The following SEC23B variants were observed in gnomAD, a reference collection of about 807,000 sequenced individuals.
SEC23B encodes protein transport protein Sec23B.
Under a neutral mutation model 104.3 loss-of-function variants are expected in SEC23B, and 77 were observed. The observed-to-expected ratio is 0.74, with a 90% CI of 0.61 to 0.89. SEC23B has a LOEUF of 0.89. Among genes scored for constraint, SEC23B ranks in the 40% least tolerant of loss-of-function variants. The probability of loss-of-function intolerance (pLI) is 0.00; values close to 1 mark genes in which losing one functional copy is unlikely to be tolerated. For missense variants in SEC23B, 885 were observed against 949.4 expected, an observed-to-expected ratio of 0.93 and a Z score of 0.89; for synonymous variants, 338 against 332.5, an observed-to-expected ratio of 1.02 and a Z score of -0.18.
chr20:18,524,724 T>G (rs1452004514), intron 5 of SEC23B, 55 bp downstream of exon 5: 1 of 1,420,084 alleles, frequency 7.0e-7, no homozygotes, highest in Non-Finnish European at 9.9e-7. Context: ...TAAAAGAGAC[T>G]GGGGTCTCTT....
At chr20:18,529,196 G>A (rs1452900044) in intron 9 of SEC23B, among the ~76,000 whole-genome samples, 1 of 152,192 alleles carries the variant, frequency 6.6e-6, no homozygotes, top group African/African-American at 2.4e-5. Flanking sequence ...AGCAGTTGAG[G>A]GACTTCCCTG....
chr20:18,543,013 T>C lies in SEC23B; in HGVS notation c.1512-6T>C, dbSNP rs1568617783. On this transcript the variant is annotated splice_polypyrimidine_tract_variant and splice_region_variant and intron_variant, in intron 13 of 19. Coordinates refer to ENST00000650089, the MANE Select transcript of SEC23B (RefSeq NM_006363.6). ...ATAAGCATGGCACTAACTCTGGAAT[T>C]GTCAGTTGGGCAGATGTACAGAGTC... 6.2e-7 allele frequency: 1 copy of C among 1,614,140 alleles called. No homozygotes were observed. The highest frequency in any genetic ancestry group is 8.5e-7 in the Non-Finnish European group (1 of 1,180,008).
intron 3 of SEC23B, 57 bp downstream of exon 3, chr20:18,512,339 AAAATT>A (rs2059988903): frequency 2.6e-6 from 3 of 1,148,446 alleles, no homozygotes; most frequent in South Asian, 1.3e-5. Context: ...TATTATGAAA[AAAATT>A]AAGTTAGGTT....
Position 18,560,954 on chromosome 20 carries a change from G to A in SEC23B, c.*214G>A, listed in dbSNP as rs2060487019. ...TAAGGTCATAAATGTTTTGGTACTT[G>A]TAGATGTTTATGTGCTTTTTGTATC... On this transcript the variant is annotated 3_prime_UTR_variant, in exon 20 of 20. Transcript: ENST00000650089. 1 of 549,174 alleles carries A rather than the reference G, an allele frequency of 1.8e-6. No individual in the cohort carries two copies. The highest frequency in any genetic ancestry group is 3.3e-6 in the Non-Finnish European group (1 of 307,570). The allele number at this position is 549,174 out of a possible 1,614,324, so 34.0% of individuals were successfully genotyped here. A position where few individuals can be genotyped will look rare whatever the true frequency, so the allele number is the denominator to read the frequency against.
intron 19 of SEC23B, among the ~76,000 whole-genome samples, chr20:18,557,910 CCTGA>C (rs1237311601): frequency 2.0e-5 from 3 of 151,874 alleles, no homozygotes; most frequent in African/African-American, 4.8e-5. Context: ...CACCACCACG[CCTGA>C]CTAATTTTGT....
At chr20:18,508,551 G>A (rs2059951910) in intron 1 of SEC23B, among the ~76,000 whole-genome samples, 1 of 151,996 alleles carries the variant, frequency 6.6e-6, no homozygotes, top group Admixed American at 6.6e-5. Context: ...TCCCTCATGC[G>A]CATAACTTCA....
At position 18,524,976 on chromosome 20, in the gene SEC23B, A is replaced by AGCACGACCT; in HGVS notation, c.650_658dup (p.Arg217_Ala219dup). The AGCACGACCT allele has an allele frequency of 6.2e-7, 1 of 1,614,160 alleles. No individual in the cohort carries two copies. The highest frequency in any genetic ancestry group is 1.1e-5 in the South Asian group (1 of 91,086). On this transcript the variant is annotated inframe_insertion, in exon 6 of 20. Transcript: ENST00000650089. ...CCAAGCCAGCCATGCCCATGCAGCAAGCACGACCTGCACAACCACAGGAGC... is the reference window on the plus strand; with the variant it reads ...CCAAGCCAGCCATGCCCATGCAGCAAGCACGACCTGCACGACCTGCACAACCACAGGAGC...
At chr20:18,539,715 G>A (rs1395102273) in intron 12 of SEC23B, among the ~76,000 whole-genome samples, 2 of 145,548 alleles carry the variant, frequency 1.4e-5, no homozygotes, top group Admixed American at 7.0e-5. Flanking sequence ...CACCATCTCA[G>A]CTCACTGCAA....
At position 18,554,257 on chromosome 20, in the gene SEC23B, C is replaced by T. The variant is rs2060414880; in HGVS notation, c.2015C>T (p.Ala672Val). The T allele has an allele frequency of 6.2e-7, 1 of 1,614,056 alleles. No homozygotes were observed. The highest frequency in any genetic ancestry group is 1.7e-5 in the Admixed American group (1 of 60,012). Residue 672 changes from alanine (A) to valine (V), a missense_variant, in exon 18 of 20, where the codon GCT becomes GTT. Ala to Val is a moderately conservative substitution (Grantham distance 64). Coordinates refer to ENST00000650089, the MANE Select transcript of SEC23B (RefSeq NM_006363.6). ...TAGACCATAGCCCAGTGGCGTAAAG[C>T]TGGCTACCAGGACATGCCCGAGTAT... ...LGETIAQWRK[A>V]GYQDMPEYEN...
In SEC23B at chr20:18,554,245, A is replaced by C; in HGVS notation, c.2003A>C (p.Gln668Pro). The C allele has an allele frequency of 6.2e-7, 1 of 1,614,198 alleles. No individual in the cohort carries two copies. Among genetic ancestry groups the C allele is most frequent in the Non-Finnish European group, 8.5e-7 (1 of 1,180,032 alleles). Reference sequence around the variant, plus strand: ...TTTGTTTCTGTGTAGACCATAGCCCAGTGGCGTAAAGCTGGCTACCAGGAC... The same window carrying C: ...TTTGTTTCTGTGTAGACCATAGCCCCGTGGCGTAAAGCTGGCTACCAGGAC... ...IVIYLGETIA[Q>P]WRKAGYQDMP... is the part of the protein sequence containing the mutation. Residue 668 changes from glutamine to proline, a missense_variant, in exon 18 of 20, where the codon CAG becomes CCG. Transcript: ENST00000650089.
intron 8 of SEC23B, 92 bp from the exon 9 acceptor site, chr20:18,527,404 T>C: frequency 1.2e-6 from 1 of 811,862 alleles, no homozygotes; most frequent in South Asian, 1.3e-5. Context: ...ATGATTTACA[T>C]GTTTTTATAT....
At position 18,561,027 on chromosome 20, in the gene SEC23B, CTTG is replaced by C; in HGVS notation, c.*290_*292del. 2.5e-6 allele frequency: 1 copy of C among 394,860 alleles called. No homozygotes were observed. Among genetic ancestry groups the C allele is most frequent in the South Asian group, 2.4e-5 (1 of 42,434 alleles). The allele number at this position is 394,860 out of a possible 1,614,324, so 24.5% of individuals were successfully genotyped here. ...AATCAGAGGTAATGTATTTTGGCAG[CTTG>C]TTTAGGTGAGAATCTTAATGATCAT... On this transcript the variant is annotated 3_prime_UTR_variant, in exon 20 of 20. Coordinates refer to ENST00000650089, the MANE Select transcript of SEC23B (RefSeq NM_006363.6).
intron 18 of SEC23B, among the ~76,000 whole-genome samples, chr20:18,554,773 G>A (rs2060420149): frequency 6.7e-6 from 1 of 149,098 alleles, no homozygotes; most frequent in Admixed American, 6.7e-5. Flanking sequence ...CTTGCAGTGA[G>A]CTGAGATCGT....
intron 15 of SEC23B, 109 bp from the exon 16 acceptor site, chr20:18,548,500 G>A (rs772935959): frequency 1.9e-6 from 2 of 1,031,572 alleles, no homozygotes; most frequent in East Asian, 2.5e-5. Flanking sequence ...AAACCAGAGA[G>A]CCCTTTTCTG....
In SEC23B at chr20:18,548,696, C is replaced by T. The variant is rs771826357; in HGVS notation, c.1831C>T (p.Arg611Trp). The change falls in exon 16 of 20, where the codon CGG becomes TGG. Residue 611 changes from arginine (R) to tryptophan (W), a missense_variant. Arg to Trp is a moderately radical substitution (Grantham distance 101). Coordinates refer to ENST00000650089, the MANE Select transcript of SEC23B (RefSeq NM_006363.6). ...GTCATATTACAGACATCATTTTGCC[C>T]GGCAGGACCTGACCCAGTCCCTCAT... ...ESSYYRHHFA[R>W]QDLTQSLIMI... 1.9e-5 allele frequency: 31 copies of T among 1,613,944 alleles called. No individual in the cohort carries two copies. Among genetic ancestry groups the T allele is most frequent in the South Asian group, 5.5e-5 (5 of 91,082 alleles).
intron 4 of SEC23B, among the ~76,000 whole-genome samples, chr20:18,518,347 C>T (rs1353177540): frequency 6.6e-6 from 1 of 152,120 alleles, no homozygotes; most frequent in African/African-American, 2.4e-5. Flanking sequence ...ATTTGCCAGT[C>T]CCGAGCAGGG....
At chr20:18,555,880 TAC>T (rs2060432836) in intron 19 of SEC23B, among the ~76,000 whole-genome samples, 1 of 151,992 alleles carries the variant, frequency 6.6e-6, no homozygotes, top group East Asian at 1.9e-4. Context: ...CTATTATTGT[TAC>T]ATTGTAATAT....
intron 4 of SEC23B, among the ~76,000 whole-genome samples, chr20:18,520,842 G>A (rs1260740206): frequency 1.3e-5 from 2 of 151,998 alleles, no homozygotes; most frequent in East Asian, 3.9e-4. Context: ...CTTCTGAGGC[G>A]ATCAGGCAGC....
chr20:18,553,863 A>G (rs571218843), intron 17 of SEC23B, among the ~76,000 whole-genome samples: 2 of 152,340 alleles, frequency 1.3e-5, no homozygotes, highest in East Asian at 3.9e-4. Context: ...TGGGCAGCCA[A>G]CAAATCCCTT....
Sources: gnomAD v4.1 joint callset for allele counts (sites outside exome capture counted in the v4.1 genomes callset) on GRCh38, gnomAD v4.1.1 for gene constraint, MANE v1.5 for transcripts, NCBI Gene and HGNC (gene_info 2026-07-23, HGNC 2026-07-21) for gene names.